Variants in MIR2052HG observed in about 807,000 individuals in gnomAD.
The protein encoded by MIR2052HG is MIR2052 host gene.
intron 2 of MIR2052HG, among the ~76,000 whole-genome samples, chr8:74,700,302 A>G (rs1402792789): frequency 6.6e-6 from 1 of 152,224 alleles, no homozygotes; most frequent in Non-Finnish European, 1.5e-5. Context: ...CATATAAGGT[A>G]TACATAACTA....
intron 2 of MIR2052HG, among the ~76,000 whole-genome samples, chr8:74,613,354 AGCTATACCATTT>A (rs1808228181): frequency 1.3e-5 from 2 of 152,332 alleles, no homozygotes; most frequent in South Asian, 2.1e-4. Flanking sequence ...AAATCAGAAC[AGCTATACCATTT>A]GCAAAGAGAG....
intron 2 of MIR2052HG, among the ~76,000 whole-genome samples, chr8:74,669,755 T>A (rs1345771186): frequency 2.0e-5 from 3 of 152,172 alleles, no homozygotes; most frequent in Non-Finnish European, 2.9e-5. Flanking sequence ...ACTTTTTCTA[T>A]CTTCTCCTCC....
At chr8:74,641,067 C>A (rs1271127625) in intron 2 of MIR2052HG, among the ~76,000 whole-genome samples, 1 of 152,062 alleles carries the variant, frequency 6.6e-6, no homozygotes, top group African/African-American at 2.4e-5. Flanking sequence ...AAATGAAATG[C>A]AAAGGGTGAG....
chr8:74,665,204 G>A (rs906934329), intron 2 of MIR2052HG, among the ~76,000 whole-genome samples: 1 of 152,074 alleles, frequency 6.6e-6, no homozygotes, highest in Non-Finnish European at 1.5e-5. Context: ...TTGCCAATAT[G>A]CTACTCTCCC....
At chr8:74,749,909 T>G (rs1809927397) in intron 4 of MIR2052HG, among the ~76,000 whole-genome samples, 1 of 152,040 alleles carries the variant, frequency 6.6e-6, no homozygotes, top group African/African-American at 2.4e-5. Flanking sequence ...ACATACATTT[T>G]GAGACATTTT....
intron 1 of MIR2052HG, chr8:74,603,672 G>A (rs193279983): frequency 8.2e-5 from 87 of 1,057,800 alleles, no homozygotes; most frequent in African/African-American, 6.4e-4. Flanking sequence ...AGGCCTGACC[G>A]CCTGCAAAGA....
At chr8:74,662,440 T>C (rs796559708) in intron 2 of MIR2052HG, among the ~76,000 whole-genome samples, 23 of 77,620 alleles carry the variant, frequency 3.0e-4, no homozygotes, top group African/African-American at 1.2e-3. Flanking sequence ...TGCTGAGGGG[T>C]GGGGGGCAAG....
At chr8:74,664,150 T>TAA (rs35863225) in intron 2 of MIR2052HG, among the ~76,000 whole-genome samples, 163 of 146,296 alleles carry the variant, frequency 1.1e-3, no homozygotes, top group East Asian at 8.4e-3. Flanking sequence ...CGGTGTGTGA[T>TAA]AAAAAAAAAA....
intron 2 of MIR2052HG, among the ~76,000 whole-genome samples, chr8:74,639,825 A>G (rs77109130): frequency 6.8e-6 from 1 of 147,258 alleles, no homozygotes; most frequent in Non-Finnish European, 1.5e-5. Context: ...TTTTTTTTTT[A>G]TCAAAGTCCC....
At chr8:74,656,911 A>T (rs1197883194) in intron 2 of MIR2052HG, among the ~76,000 whole-genome samples, 1 of 152,222 alleles carries the variant, frequency 6.6e-6, no homozygotes, top group East Asian at 1.9e-4. Flanking sequence ...ACACCTGATA[A>T]TCCTAGAGAA....
intron 2 of MIR2052HG, among the ~76,000 whole-genome samples, chr8:74,638,804 G>T (rs75590493): frequency 6.6e-6 from 1 of 152,038 alleles, no homozygotes; most frequent in African/African-American, 2.4e-5. Flanking sequence ...ACTAAGTGGC[G>T]AACTAAGTGG....
intron 2 of MIR2052HG, among the ~76,000 whole-genome samples, chr8:74,692,999 G>C (rs1809255182): frequency 6.6e-6 from 1 of 152,186 alleles, no homozygotes; most frequent in African/African-American, 2.4e-5. Context: ...TGATTCAAGT[G>C]TGTAAAGTTT....
intron 1 of MIR2052HG, among the ~76,000 whole-genome samples, chr8:74,608,641 C>T (rs1024201295): frequency 4.6e-5 from 7 of 151,926 alleles, no homozygotes; most frequent in South Asian, 2.1e-4. Flanking sequence ...TATTGTCAGA[C>T]CACAGTTAGA....
chr8:74,606,184 G>A (rs1287836692), intron 1 of MIR2052HG, among the ~76,000 whole-genome samples: 1 of 152,176 alleles, frequency 6.6e-6, no homozygotes, highest in South Asian at 2.1e-4. Flanking sequence ...GTTATCAATC[G>A]GATGAATTCC....
intron 2 of MIR2052HG, among the ~76,000 whole-genome samples, chr8:74,657,514 C>T (rs1808818787): frequency 6.6e-6 from 1 of 152,130 alleles, no homozygotes; most frequent in South Asian, 2.1e-4. Context: ...CAGACCCATC[C>T]TAGACCCACT....
chr8:74,730,804 A>AG (rs1809683825), intron 4 of MIR2052HG, among the ~76,000 whole-genome samples: 2 of 83,518 alleles, frequency 2.4e-5, no homozygotes, highest in African/African-American at 2.0e-4. Context: ...TGAAAACTAA[A>AG]AAGAGGGGTC....
At chr8:74,757,785 A>C (rs1563548052) in intron 5 of MIR2052HG, 1 of 152,100 alleles carries the variant, frequency 6.6e-6, no homozygotes, top group Non-Finnish European at 1.5e-5. Flanking sequence ...GCTTGGGTGC[A>C]AGGTTATTTC....
intron 4 of MIR2052HG, among the ~76,000 whole-genome samples, chr8:74,731,936 A>G (rs984700052): frequency 6.6e-6 from 1 of 152,178 alleles, no homozygotes; most frequent in Non-Finnish European, 1.5e-5. Context: ...GCAAACACTC[A>G]TATTACTTGG....
chr8:74,672,406 T>C (rs543592611), intron 2 of MIR2052HG, among the ~76,000 whole-genome samples: 1 of 152,202 alleles, frequency 6.6e-6, no homozygotes, highest in South Asian at 2.1e-4. Flanking sequence ...TAAAAGGATA[T>C]CATAGTAATG....
Sources: allele counts gnomAD v4.1 joint callset (sites outside exome capture counted in the v4.1 genomes callset), GRCh38; gene constraint gnomAD v4.1.1; transcripts MANE v1.5; gene names NCBI Gene and HGNC (gene_info 2026-07-23, HGNC 2026-07-21).